The following ELMO1 variants were observed in gnomAD, a reference collection of about 807,000 sequenced individuals.
The protein encoded by ELMO1 is engulfment and cell motility 1.
A neutral mutation model predicts 98.9 loss-of-function variants in ELMO1; 26 were observed. That is an observed-to-expected ratio of 0.26 (90% CI 0.19 to 0.36). The LOEUF (loss-of-function observed/expected upper bound fraction) is 0.36, where lower values mean the gene tolerates loss of function less well. Among genes scored for constraint, ELMO1 ranks in the 10% least tolerant of loss-of-function variants. ELMO1 has a pLI of 1.00. For synonymous variants in ELMO1, 346 were observed against 346.0 expected (o/e 1.00, Z 0.00); for missense variants, 627 against 935.2 (o/e 0.67, Z 4.30).
intron 15 of ELMO1, among the ~76,000 whole-genome samples, chr7:37,029,687 T>G (rs1462334802): frequency 6.6e-6 from 1 of 152,152 alleles, no homozygotes; most frequent in Non-Finnish European, 1.5e-5. Context: ...AGGCTTAAAC[T>G]CTTGTTATTG....
At chr7:37,327,216 T>C (rs1238540735) in intron 2 of ELMO1, among the ~76,000 whole-genome samples, 1 of 152,268 alleles carries the variant, frequency 6.6e-6, no homozygotes, top group African/African-American at 2.4e-5. Flanking sequence ...TGGAAATGAA[T>C]GATTCACAGG....
intron 13 of ELMO1, among the ~76,000 whole-genome samples, chr7:37,181,308 T>C (rs1389936117): frequency 2.0e-5 from 3 of 152,058 alleles, no homozygotes; most frequent in Non-Finnish European, 4.4e-5. Context: ...TCCAAGGTAG[T>C]ACTCCAGGCT....
chr7:37,155,682 T>TA (rs1349088989), intron 13 of ELMO1, among the ~76,000 whole-genome samples: 5 of 152,006 alleles, frequency 3.3e-5, no homozygotes, highest in Non-Finnish European at 5.9e-5. Context: ...AGCAAGTTCT[T>TA]AGAGACCTAC....
chr7:36,909,160 T>G (rs117986420), intron 16 of ELMO1, among the ~76,000 whole-genome samples: 2,734 of 152,320 alleles, frequency 0.018, 91 homozygotes, highest in Non-Finnish European at 0.022. Context: ...AACCTACGAT[T>G]AATGAATGCT....
intron 7 of ELMO1, among the ~76,000 whole-genome samples, chr7:37,240,431 C>CT (rs899458157): frequency 3.6e-4 from 54 of 151,912 alleles, no homozygotes; most frequent in African/African-American, 5.1e-4. Context: ...TTTCTCTTTT[C>CT]TTTTTTTTCC....
At chr7:37,016,277 T>C (rs1471014831) in intron 15 of ELMO1, among the ~76,000 whole-genome samples, 1 of 152,166 alleles carries the variant, frequency 6.6e-6, no homozygotes, top group African/African-American at 2.4e-5. Context: ...GATAATTCGT[T>C]GGGTACATAT....
chr7:37,328,313 G>A (rs937085720), intron 2 of ELMO1, among the ~76,000 whole-genome samples: 1 of 145,690 alleles, frequency 6.9e-6, no homozygotes, highest in Non-Finnish European at 1.5e-5. Flanking sequence ...AACCCAGAAG[G>A]TCAAGGCTGT....
At chr7:37,243,280 G>A (rs1562547760) in intron 7 of ELMO1, among the ~76,000 whole-genome samples, 1 of 152,128 alleles carries the variant, frequency 6.6e-6, no homozygotes, top group Admixed American at 6.6e-5. Flanking sequence ...TTAAGTAGAT[G>A]GGGAGAAAGT....
chr7:37,079,056 A>G (rs1797728232), intron 15 of ELMO1, among the ~76,000 whole-genome samples: 1 of 152,164 alleles, frequency 6.6e-6, no homozygotes, highest in South Asian at 2.1e-4. Context: ...TGCACTATCT[A>G]ATTCAGAATC....
At chr7:36,889,738 C>T (rs533633453) in intron 17 of ELMO1, among the ~76,000 whole-genome samples, 34 of 152,284 alleles carry the variant, frequency 2.2e-4, no homozygotes, top group African/African-American at 5.1e-4. Flanking sequence ...CCTGTCACAA[C>T]GCATTTCATC....
chr7:37,213,474 C>A lies in ELMO1; in HGVS notation c.832-17G>T. On this transcript the variant is annotated splice_polypyrimidine_tract_variant and intron_variant, in intron 11 of 21. Transcript: ENST00000310758. ...GATGACATGCTAGGGAGATGGTTCA[C>A]AAATGAAATTTTTTAAAAAAGAAAG... 1 of 1,598,628 alleles carries A rather than the reference C, an allele frequency of 6.3e-7. No homozygotes were observed. The highest frequency in any genetic ancestry group is 8.5e-7 in the Non-Finnish European group (1 of 1,173,210).
rs140927284 is a variant in ELMO1 at position 37,329,482 on chromosome 7, T to C, written c.78+13131A>G. Among the ~76,000 whole-genome samples the C allele has an allele frequency of 4.6e-5, 7 of 152,244 alleles. No homozygotes were observed. In the East Asian group the frequency reaches 1.4e-3, roughly 29 times the overall value. On this transcript the variant is annotated intron_variant, in intron 2 of 21. Coordinates refer to ENST00000310758, the MANE Select transcript of ELMO1 (RefSeq NM_014800.11). ...AAAGGTTTGGACCCATGTGGGTTTTTAGACAGGGGAGCAGCATAATCAGGT... is the reference window on the plus strand; with the variant it reads ...AAAGGTTTGGACCCATGTGGGTTTTCAGACAGGGGAGCAGCATAATCAGGT...
chr7:37,365,618 G>A (rs754323646), intron 1 of ELMO1, among the ~76,000 whole-genome samples: 41 of 152,190 alleles, frequency 2.7e-4, no homozygotes, highest in Admixed American at 9.2e-4. Context: ...TTCAAACCCA[G>A]GGTGAAGACA....
chr7:37,161,918 A>ATATATATATATATATG (rs1554429656), intron 13 of ELMO1, among the ~76,000 whole-genome samples: 2 of 90,766 alleles, frequency 2.2e-5, no homozygotes, highest in East Asian at 9.4e-4. Context: ...ATATATATAT[A>ATATATATATATATATG]TATATATATA....
At chr7:37,303,836 C>G (rs1024554495) in intron 4 of ELMO1, among the ~76,000 whole-genome samples, 5 of 152,138 alleles carry the variant, frequency 3.3e-5, no homozygotes, top group African/African-American at 1.2e-4. Context: ...GAGGCAGTTG[C>G]ATCTTACCAA....
intron 16 of ELMO1, among the ~76,000 whole-genome samples, chr7:36,898,242 T>C (rs1342380109): frequency 6.6e-6 from 1 of 152,216 alleles, no homozygotes; most frequent in Non-Finnish European, 1.5e-5. Flanking sequence ...TCCTTAACTC[T>C]ATCTTCTTTA....
chr7:37,155,611 C>T (rs1366001248), intron 13 of ELMO1, among the ~76,000 whole-genome samples: 1 of 151,480 alleles, frequency 6.6e-6, no homozygotes, highest in East Asian at 1.9e-4. Context: ...ATCAATTCAA[C>T]AGGAAGAGCT....
chr7:37,165,191 C>T (rs957362117), intron 13 of ELMO1, among the ~76,000 whole-genome samples: 3 of 152,178 alleles, frequency 2.0e-5, no homozygotes, highest in African/African-American at 4.8e-5. Flanking sequence ...GATTTTGTAT[C>T]GTGAGACTCT....
In ELMO1 at chr7:37,207,375, AC is replaced by A. The variant is rs570817058; in HGVS notation, c.1086+4010del. Among the ~76,000 whole-genome samples, 727 of 152,038 alleles carry A rather than the reference AC, an allele frequency of 4.8e-3. 3 individuals are homozygous for A. The highest frequency in any genetic ancestry group is 8.7e-3 in the Admixed American group (132 of 15,252). On this transcript the variant is annotated intron_variant, in intron 13 of 21. Coordinates refer to ENST00000310758, the MANE Select transcript of ELMO1 (RefSeq NM_014800.11). ...AGAGCAGCCTGGCCAACATGGCGAAACCCTGTCTCTACTAAAAATACAAAAA... is the reference window on the plus strand; with the variant it reads ...AGAGCAGCCTGGCCAACATGGCGAAACCTGTCTCTACTAAAAATACAAAAA...
Sources: gnomAD v4.1 joint callset for allele counts (sites outside exome capture counted in the v4.1 genomes callset) on GRCh38, gnomAD v4.1.1 for gene constraint, MANE v1.5 for transcripts, NCBI Gene and HGNC (gene_info 2026-07-23, HGNC 2026-07-21) for gene names.